GALNT8: variants seen among roughly 807,000 people sequenced by gnomAD.
GALNT8 encodes polypeptide N-acetylgalactosaminyltransferase 8.
Under a neutral mutation model 62.7 loss-of-function variants are expected in GALNT8, and 66 were observed. The observed-to-expected ratio is 1.05, with a 90% CI of 0.86 to 1.29. The LOEUF (loss-of-function observed/expected upper bound fraction) is 1.29. GALNT8 is among the 50% of genes most tolerant of loss of function. GALNT8 has a pLI of 0.00. For missense variants in GALNT8, 771 were observed against 791.8 expected, an observed-to-expected ratio of 0.97 and a Z score of 0.32; for synonymous variants, 288 against 294.3, an observed-to-expected ratio of 0.98 and a Z score of 0.22.
intron 1 of GALNT8, among the ~76,000 whole-genome samples, chr12:4,724,148 CAAAAA>C (rs11456593): frequency 1.0e-4 from 5 of 48,092 alleles, no homozygotes; most frequent in African/African-American, 3.7e-4. Context: ...GACTCCGTCT[CAAAAA>C]AAAAAAAAAA....
chr12:4,755,876 G>A (rs1946342471), intron 6 of GALNT8, among the ~76,000 whole-genome samples: 1 of 152,192 alleles, frequency 6.6e-6, no homozygotes, highest in Non-Finnish European at 1.5e-5. Context: ...TGCAGATCCA[G>A]CTGGCTTGGA....
chr12:4,771,212 G>A (rs903152296), intron 10 of GALNT8, among the ~76,000 whole-genome samples: 2 of 152,256 alleles, frequency 1.3e-5, no homozygotes, highest in Admixed American at 6.5e-5. Context: ...GGGCCAGGCT[G>A]CTGTGGGCAG....
Position 4,765,520 on chromosome 12 carries a change from C to A in GALNT8, c.1735C>A (p.Leu579Met). Residue 579 changes from leucine (L) to methionine (M), a missense_variant, in exon 10 of 11, where the codon CTG becomes ATG. Coordinates refer to ENST00000252318, the MANE Select transcript of GALNT8 (RefSeq NM_017417.2). ...EPCSKAAKNR[L>M]HIYWDFKPGG... ...ATGCTCCAAGGCAGCTAAGAATAGACTGCATATATATTGGGATTTTAAACC... is the reference window on the plus strand; with the variant it reads ...ATGCTCCAAGGCAGCTAAGAATAGAATGCATATATATTGGGATTTTAAACC... 6.2e-7 allele frequency: 1 copy of A among 1,605,804 alleles called. No individual in the cohort carries two copies. Among genetic ancestry groups the A allele is most frequent in the Non-Finnish European group, 8.5e-7 (1 of 1,177,964 alleles).
chr12:4,734,246 A>G (rs1946234268), intron 2 of GALNT8, among the ~76,000 whole-genome samples: 1 of 152,210 alleles, frequency 6.6e-6, no homozygotes, highest in Non-Finnish European at 1.5e-5. Flanking sequence ...GCAGATAGAA[A>G]GTGACAGCTG....
chr12:4,765,580 GTTTT>G (rs1382846753), intron 10 of GALNT8, 34 bp downstream of exon 10: 1 of 1,470,676 alleles, frequency 6.8e-7, no homozygotes, highest in Admixed American at 1.8e-5. Flanking sequence ...TGGTTTGTTT[GTTTT>G]GTTTTGTTTT....
intron 1 of GALNT8, 88 bp downstream of exon 1, chr12:4,720,976 G>T: frequency 1.3e-6 from 1 of 785,088 alleles, no homozygotes; most frequent in South Asian, 1.5e-5. Context: ...AGGAAAAATG[G>T]GTGAGAGGTC....
At chr12:4,744,415 A>T in intron 3 of GALNT8, 102 bp from the exon 4 acceptor site, 1 of 745,442 alleles carries the variant, frequency 1.3e-6, no homozygotes, top group Non-Finnish European at 2.2e-6. Context: ...TGCCCATTTT[A>T]TGCTGGAGGT....
intron 10 of GALNT8, among the ~76,000 whole-genome samples, chr12:4,766,089 T>G (rs766504): frequency 0.53 from 80,000 of 152,070 alleles, 21,570 homozygotes; most frequent in Non-Finnish European, 0.59. Context: ...GTTTTTTAAA[T>G]GATAGGTATA....
At chr12:4,722,227 A>G (rs1361685958) in intron 1 of GALNT8, among the ~76,000 whole-genome samples, 2 of 152,168 alleles carry the variant, frequency 1.3e-5, no homozygotes, top group African/African-American at 4.8e-5. Flanking sequence ...GCTGTTGAAG[A>G]GAGGTGGCAA....
chr12:4,728,928 T>C (rs866072660), intron 2 of GALNT8, among the ~76,000 whole-genome samples: 15 of 152,200 alleles, frequency 9.9e-5, no homozygotes, highest in Admixed American at 7.2e-4. Context: ...TCATTAACTC[T>C]GTAGCTCTGC....
intron 10 of GALNT8, among the ~76,000 whole-genome samples, chr12:4,769,965 GA>G (rs1448624169): frequency 1.3e-5 from 2 of 152,100 alleles, no homozygotes; most frequent in African/African-American, 4.8e-5. Context: ...AACAAAAAGA[GA>G]AATCCTTTTA....
intron 3 of GALNT8, 128 bp from the exon 4 acceptor site, chr12:4,744,389 A>G (rs10492056): frequency 0.049 from 30,027 of 616,952 alleles, 1,278 homozygotes; most frequent in East Asian, 0.17. Context: ...CTTATTTTCT[A>G]GTTGACTCTT....
At chr12:4,724,877 A>G (rs1946187542) in intron 1 of GALNT8, among the ~76,000 whole-genome samples, 1 of 152,068 alleles carries the variant, frequency 6.6e-6, no homozygotes, top group African/African-American at 2.4e-5. Flanking sequence ...CTGTATATGG[A>G]TCTGAAATCC....
intron 10 of GALNT8, among the ~76,000 whole-genome samples, chr12:4,770,498 TG>T (rs1946419411): frequency 6.6e-6 from 1 of 152,076 alleles, no homozygotes; most frequent in Non-Finnish European, 1.5e-5. Flanking sequence ...AATAAATTAT[TG>T]GTCACAATAA....
Position 4,765,598 on chromosome 12 carries a change from T to A in GALNT8, c.1761+52T>A. On this transcript the variant is annotated intron_variant, in intron 10 of 10. Transcript: ENST00000252318. ...TTTGTTTGTTTTGTTTTGTTTTGTT[T>A]TGAGACTGAGTCTTGCTCTGCAGCC... 4.2e-6 allele frequency: 6 copies of A among 1,425,046 alleles called. No individual in the cohort carries two copies. In the East Asian group the frequency reaches 1.4e-4, roughly 33 times the overall value. 88.3% of individuals were successfully genotyped at this position (1,425,046 alleles called of 1,614,324 possible).
chr12:4,725,755 C>G lies in GALNT8; in HGVS notation c.212-777C>G, dbSNP rs1591563142. On this transcript the variant is annotated intron_variant, in intron 1 of 10. Coordinates refer to ENST00000252318, the MANE Select transcript of GALNT8 (RefSeq NM_017417.2). ...ATTTTTAGTAGAGACAGGGTTTCACCATGTTGGCCAGGCTGGTCTTGAACT... is the reference window on the plus strand; with the variant it reads ...ATTTTTAGTAGAGACAGGGTTTCACGATGTTGGCCAGGCTGGTCTTGAACT... Among the ~76,000 whole-genome samples the G allele has an allele frequency of 3.3e-5, 5 of 152,116 alleles. 1 individual carries two copies. Among genetic ancestry groups the G allele is most frequent in the Admixed American group, 3.3e-4 (5 of 15,280 alleles).
rs1426550211 is a variant in GALNT8, at chr12:4,749,992, A to AT, written c.1173+3735dup. Among the ~76,000 whole-genome samples, 1 of 152,074 alleles carries AT rather than the reference A, an allele frequency of 6.6e-6. No individual in the cohort carries two copies. The highest frequency in any genetic ancestry group is 2.4e-5 in the African/African-American group (1 of 41,426). On this transcript the variant is annotated intron_variant, in intron 6 of 10. Transcript: ENST00000252318. This position sits in a 1 kb window ranked among gnomAD's most constrained non-coding sequence, Gnocchi z 4.1. ...GAGCTGTTAGTGTTCCTTTAAATTT[A>AT]TGCAGAATCAGTTGTAATGTCTTTT...
chr12:4,744,729 G>C lies in GALNT8; in HGVS notation c.860+29G>C. On this transcript the variant is annotated intron_variant, in intron 4 of 10. Coordinates refer to ENST00000252318, the MANE Select transcript of GALNT8 (RefSeq NM_017417.2). Reference sequence around the variant, plus strand: ...AGGCTCAAAGAGGCTAGTTCTTCTGGAAAGGGCAGAGAGGAGATATTGTGC... The same window carrying C: ...AGGCTCAAAGAGGCTAGTTCTTCTGCAAAGGGCAGAGAGGAGATATTGTGC... 2.0e-6 allele frequency: 3 copies of C among 1,515,250 alleles called. 1 individual carries two copies. The highest frequency in any genetic ancestry group is 9.1e-7 in the Non-Finnish European group (1 of 1,100,508). 93.9% of individuals were successfully genotyped at this position (1,515,250 alleles called of 1,614,324 possible).
chr12:4,755,509 C>T (rs1946340617), intron 6 of GALNT8, among the ~76,000 whole-genome samples: 1 of 152,174 alleles, frequency 6.6e-6, no homozygotes. Context: ...GTCCTTTCTA[C>T]CTCTTCAGTG....
Sources: allele counts gnomAD v4.1 joint callset (sites outside exome capture counted in the v4.1 genomes callset), GRCh38; gene constraint gnomAD v4.1.1; non-coding constraint Gnocchi (gnomAD v3.1); transcripts MANE v1.5; gene names NCBI Gene and HGNC (gene_info 2026-07-23, HGNC 2026-07-21).